The following DZIP3 variants were observed in gnomAD, a reference collection of about 807,000 sequenced individuals.
The protein encoded by DZIP3 is DAZ interacting zinc finger protein 3, also known as E3 ubiquitin-protein ligase DZIP3.
A neutral mutation model predicts 162.0 loss-of-function variants in DZIP3; 118 were observed. The ratio of observed to expected loss-of-function variants is 0.73; its 90% CI spans 0.63 to 0.85. The LOEUF (loss-of-function observed/expected upper bound fraction) is 0.85. Among genes scored for constraint, DZIP3 ranks in the 40% least tolerant of loss-of-function variants. The probability of loss-of-function intolerance (pLI) is 0.00; values close to 1 mark genes in which losing one functional copy is unlikely to be tolerated. For missense variants in DZIP3, 1,331 were observed against 1,407.0 expected (o/e 0.95, Z 0.86); for synonymous variants, 438 against 458.6 (o/e 0.96, Z 0.57).
upstream of DZIP3, chr3:108,589,696 A>C (rs1269269460): frequency 4.0e-5 from 10 of 248,196 alleles, no homozygotes; most frequent in Admixed American, 2.2e-4. Flanking sequence ...CGGGAGAGGA[A>C]TCGGTTAGGA....
intron 9 of DZIP3, among the ~76,000 whole-genome samples, chr3:108,634,661 T>C (rs1559744918): frequency 6.6e-6 from 1 of 152,064 alleles, no homozygotes; most frequent in East Asian, 1.9e-4. Context: ...ATTATTGACC[T>C]TTTTTTTACT....
At chr3:108,635,068 C>T in intron 10 of DZIP3, 96 bp downstream of exon 10, 1 of 687,490 alleles carries the variant, frequency 1.5e-6, no homozygotes. Flanking sequence ...TCATAACTTC[C>T]CTCCTGCTTT....
At chr3:108,591,284 G>C (rs1245570223) in intron 1 of DZIP3, among the ~76,000 whole-genome samples, 1 of 152,232 alleles carries the variant, frequency 6.6e-6, no homozygotes, top group African/African-American at 2.4e-5. Flanking sequence ...CTTGGAGATG[G>C]TTAAAAAATG....
intron 25 of DZIP3, 42 bp downstream of exon 25, chr3:108,675,915 A>G (rs1314106364): frequency 3.9e-6 from 6 of 1,538,908 alleles, no homozygotes; most frequent in Non-Finnish European, 5.4e-6. Context: ...GCTTAATGTT[A>G]TAGGTGGTGT....
At chr3:108,593,707 A>G (rs1301281554) in intron 1 of DZIP3, among the ~76,000 whole-genome samples, 1 of 137,334 alleles carries the variant, frequency 7.3e-6, no homozygotes, top group Non-Finnish European at 1.6e-5. Context: ...ATATGGTTTC[A>G]CTCTGTTGCC....
At chr3:108,676,089 A>T (rs1944098775) in intron 25 of DZIP3, among the ~76,000 whole-genome samples, 1 of 151,972 alleles carries the variant, frequency 6.6e-6, no homozygotes, top group African/African-American at 2.4e-5. Flanking sequence ...CAAGAAAATA[A>T]ACTCAAAAAT....
At chr3:108,635,304 TGCAC>T (rs1301258454) in intron 10 of DZIP3, 1 of 237,834 alleles carries the variant, frequency 4.2e-6, no homozygotes, top group Non-Finnish European at 8.3e-6. Flanking sequence ...GTTGCATATA[TGCAC>T]ATAGGATCAT....
At chr3:108,650,737 A>T (rs1250484369) in intron 17 of DZIP3, among the ~76,000 whole-genome samples, 2 of 151,650 alleles carry the variant, frequency 1.3e-5, no homozygotes, top group Non-Finnish European at 3.0e-5. Flanking sequence ...AATTATATAC[A>T]TTGTGTCTAA....
chr3:108,688,991 A>G, intron 31 of DZIP3, 67 bp downstream of exon 31: 1 of 1,412,792 alleles, frequency 7.1e-7, no homozygotes, highest in Non-Finnish European at 1.0e-6. Context: ...ATTATCATAT[A>G]CATGTATCAT....
In DZIP3 at chr3:108,635,713, T is replaced by C. The variant is rs1033043156; in HGVS notation, c.918+741T>C. ...TTATTAGCTATTATAATATATAACA[T>C]ATAATAGAGTTGTTTGCCACTAATA... On this transcript the variant is annotated intron_variant, in intron 10 of 32. Transcript: ENST00000361582. 8.1e-5 allele frequency among the ~76,000 whole-genome samples: 12 copies of C among 149,032 alleles called. No homozygotes were observed. In the East Asian group the frequency reaches 1.9e-3, roughly 24 times the overall value.
At chr3:108,603,965 T>C (rs12496990) in intron 1 of DZIP3, among the ~76,000 whole-genome samples, 19,615 of 152,170 alleles carry the variant, frequency 0.13, 1,728 homozygotes, top group East Asian at 0.52. Context: ...CTTCTTCCTG[T>C]CTGTGGTAAA....
chr3:108,593,657 C>CA lies in DZIP3; in HGVS notation c.-73+3821dup, dbSNP rs1258368882. 1.1e-4 allele frequency among the ~76,000 whole-genome samples: 17 copies of CA among 148,786 alleles called. No individual in the cohort carries two copies. In the East Asian group the frequency reaches 2.2e-3, roughly 19 times the overall value. ...TTAGTGGTAGATGGTAGAAATTTAG[C>CA]AAATATTTGAATTTCTTTCTTTTTT... On this transcript the variant is annotated intron_variant, in intron 1 of 32. Coordinates refer to ENST00000361582, the MANE Select transcript of DZIP3 (RefSeq NM_014648.4).
At chr3:108,648,614 A>T (rs1942732764) in intron 16 of DZIP3, 1 of 177,474 alleles carries the variant, frequency 5.6e-6, no homozygotes, top group East Asian at 1.8e-4. Context: ...GTTGCTTTTT[A>T]AAAAGTGTCT....
chr3:108,671,793 A>T (rs140837527), intron 22 of DZIP3, among the ~76,000 whole-genome samples: 304 of 152,094 alleles, frequency 2.0e-3, no homozygotes, highest in African/African-American at 7.0e-3. Context: ...GCTTTATATT[A>T]TCTGAATTAA....
rs573572088 is a variant in DZIP3, at chr3:108,664,051, C to T, written c.2423+1794C>T. ...CTTAAGCACCCTGGATATAGCACAA[C>T]AGACAAGCATAGGAACACTCTAGAA... is the stretch of plus-strand genomic sequence containing the variant. On this transcript the variant is annotated intron_variant, in intron 21 of 32. Coordinates refer to ENST00000361582, the MANE Select transcript of DZIP3 (RefSeq NM_014648.4). Among the ~76,000 whole-genome samples, 45 of 152,276 alleles carry T rather than the reference C, an allele frequency of 3.0e-4. No homozygotes were observed. In the South Asian group the frequency reaches 9.1e-3, roughly 31 times the overall value.
chr3:108,601,749 G>A (rs1362386288), intron 1 of DZIP3, among the ~76,000 whole-genome samples: 1 of 152,122 alleles, frequency 6.6e-6, no homozygotes, highest in Non-Finnish European at 1.5e-5. Flanking sequence ...GACCCTTCTG[G>A]TGTTAAAGCT....
intron 12 of DZIP3, among the ~76,000 whole-genome samples, 191 bp downstream of exon 12, chr3:108,637,739 G>A (rs545709042): frequency 2.3e-4 from 35 of 152,094 alleles, no homozygotes; most frequent in African/African-American, 7.7e-4. Flanking sequence ...ATTCTAAAGC[G>A]GAGATGGAGA....
chr3:108,616,535 C>T lies in DZIP3; in HGVS notation c.259-6C>T, dbSNP rs1410982415. On this transcript the variant is annotated splice_polypyrimidine_tract_variant and splice_region_variant and intron_variant, in intron 4 of 32. Coordinates refer to ENST00000361582, the MANE Select transcript of DZIP3 (RefSeq NM_014648.4). ...TAGACATTTTTAACTGAATAATTTT[C>T]CACAGAGAGAAGTTGCAGCTAACAG... The T allele has an allele frequency of 1.9e-6, 3 of 1,589,570 alleles. No homozygotes were observed. The highest frequency in any genetic ancestry group is 2.7e-5 in the African/African-American group (2 of 73,714).
At chr3:108,624,412 A>AAT (rs767493090) in intron 5 of DZIP3, 32 bp from the exon 6 acceptor site, 1 of 1,281,422 alleles carries the variant, frequency 7.8e-7, no homozygotes. Flanking sequence ...GCTTAGTCTA[A>AAT]ATAACCAATT....
Sources: gnomAD v4.1 joint callset for allele counts (sites outside exome capture counted in the v4.1 genomes callset) on GRCh38, gnomAD v4.1.1 for gene constraint, MANE v1.5 for transcripts, NCBI Gene and HGNC (gene_info 2026-07-23, HGNC 2026-07-21) for gene names.